TADA3: variants seen among roughly 807,000 people sequenced by gnomAD.
TADA3 encodes transcriptional adapter 3.
Under a neutral mutation model 43.2 loss-of-function variants are expected in TADA3, and 25 were observed. That is an observed-to-expected ratio of 0.58 (90% confidence interval 0.42 to 0.81). The LOEUF (loss-of-function observed/expected upper bound fraction) is 0.81. Among genes scored for constraint, TADA3 ranks in the 30% least tolerant of loss-of-function variants. TADA3 has a pLI of 0.00. For missense variants in TADA3, 441 were observed against 567.8 expected, an observed-to-expected ratio of 0.78 and a Z score of 2.27; for synonymous variants, 235 against 225.5, an observed-to-expected ratio of 1.04 and a Z score of -0.38.
rs895104554 is a variant in TADA3, at chr3:9,785,338, G to A, written c.898C>T (p.Arg300Cys). 1.9e-6 allele frequency: 3 copies of A among 1,613,980 alleles called. No homozygotes were observed. Among genetic ancestry groups the A allele is most frequent in the Non-Finnish European group, 2.5e-6 (3 of 1,179,878 alleles). The part of the protein sequence containing the change: ...SGADGASTSP[R>C]NQNKPFSVPH... The stretch of plus-strand genomic sequence containing the variant: ...CACCTGAAGGGCTTGTTCTGATTGC[G>A]AGGGGAGGTGCTTGCCCCGTCAGCC... The change falls in exon 7 of 9, where the codon CGC becomes TGC. Residue 300 changes from arginine to cysteine, a missense_variant. Arg to Cys is a radical substitution (Grantham distance 180). Transcript: ENST00000301964.
intron 8 of TADA3, among the ~76,000 whole-genome samples, chr3:9,782,094 T>A (rs2078482566): frequency 6.6e-6 from 1 of 152,094 alleles, no homozygotes; most frequent in Admixed American, 6.5e-5. Flanking sequence ...CACCTCAGTC[T>A]CCCAAAGTGC....
chr3:9,780,368 G>A lies in TADA3; in HGVS notation c.1288C>T (p.Leu430=). Reference sequence around the variant, plus strand: ...GGCAGGGGTGAGGGCTACCCATCCAGCAGCTTCAGGATGCTCTCACGCTCC... The same window carrying A: ...GGCAGGGGTGAGGGCTACCCATCCAACAGCTTCAGGATGCTCTCACGCTCC... ...LKERESILKL[L]DG The change falls in exon 9 of 9, where the codon CTG becomes TTG. Residue 430 remains leucine (L), a synonymous_variant. Transcript: ENST00000301964. 6.2e-7 allele frequency: 1 copy of A among 1,612,520 alleles called. No homozygotes were observed. The highest frequency in any genetic ancestry group is 1.3e-5 in the African/African-American group (1 of 74,938).
chr3:9,781,435 C>T, intron 8 of TADA3: 3 of 440,562 alleles, frequency 6.8e-6, no homozygotes, highest in South Asian at 4.7e-5. Flanking sequence ...AAGATGATCC[C>T]AGGATCCCAC....
At chr3:9,781,300 TACACACACACAA>T (rs1261665657) in intron 8 of TADA3, among the ~76,000 whole-genome samples, 3 of 151,602 alleles carry the variant, frequency 2.0e-5, no homozygotes, top group Non-Finnish European at 4.4e-5. Context: ...TATATATACA[TACACACACACAA>T]ACACACACAC....
chr3:9,785,487 G>T, intron 6 of TADA3, 62 bp from the exon 7 acceptor site: 3 of 1,082,746 alleles, frequency 2.8e-6, no homozygotes, highest in Non-Finnish European at 4.2e-6. Context: ...GCTCCTTTCT[G>T]ACCTACACTG....
In TADA3 at chr3:9,785,315, C is replaced by T. The variant is rs748346430; in HGVS notation, c.920+1G>A. 1 of 1,612,350 alleles carries T rather than the reference C, an allele frequency of 6.2e-7. No homozygotes were observed. Among genetic ancestry groups the T allele is most frequent in the South Asian group, 1.1e-5 (1 of 90,912 alleles). On this transcript the variant is annotated splice_donor_variant, in intron 7 of 8. Transcript: ENST00000301964. LOFTEE classifies it high-confidence loss of function. ...TGGGTTGTGGATAGGACACCACTCA[C>T]CTGAAGGGCTTGTTCTGATTGCGAG... is the stretch of plus-strand genomic sequence containing the variant.
intron 8 of TADA3, among the ~76,000 whole-genome samples, chr3:9,781,317 A>G (rs2078457553): frequency 6.6e-6 from 1 of 151,982 alleles, no homozygotes; most frequent in Admixed American, 6.6e-5. Context: ...ACACAAACAC[A>G]CACACACAGG....
Position 9,784,114 on chromosome 3 carries a change from ATCCTCGGAG to A in TADA3, c.1011_1019del (p.Ser338_Asp340del). Reference sequence around the variant, plus strand: ...GTTTGCGAAGCTCAGCAAGGACCTCATCCTCGGAGTCCTCTGCGGGGCGGTCCTCAGACT... The same window carrying A: ...GTTTGCGAAGCTCAGCAAGGACCTCATCCTCTGCGGGGCGGTCCTCAGACT... On this transcript the variant is annotated inframe_deletion, in exon 8 of 9. Transcript: ENST00000301964. 2 of 1,614,166 alleles carry A rather than the reference ATCCTCGGAG, an allele frequency of 1.2e-6. No individual in the cohort carries two copies. The highest frequency in any genetic ancestry group is 1.7e-6 in the Non-Finnish European group (2 of 1,180,022).
intron 2 of TADA3, among the ~76,000 whole-genome samples, chr3:9,790,739 A>AG: frequency 6.6e-6 from 1 of 152,334 alleles, no homozygotes; most frequent in South Asian, 2.1e-4. Flanking sequence ...AAAAGCACTA[A>AG]GGTAGGTCCT....
rs2078757932 is a variant in TADA3 at position 9,792,355 on chromosome 3, T to C, written c.-167A>G. 2 of 387,164 alleles carry C rather than the reference T, an allele frequency of 5.2e-6. No individual in the cohort carries two copies. Among genetic ancestry groups the C allele is most frequent in the Non-Finnish European group, 7.2e-6 (2 of 277,650 alleles). 24.0% of individuals were successfully genotyped at this position (387,164 alleles called of 1,614,324 possible). On this transcript the variant is annotated 5_prime_UTR_variant, in exon 1 of 9. Transcript: ENST00000301964. ...TCCCGCCTTCAGAGTCCTCGTTCTC[T>C]AGGGACACCCTAGTGCGACCCCCGC...
At chr3:9,786,088 G>A (rs1432133438) in intron 6 of TADA3, among the ~76,000 whole-genome samples, 4 of 152,120 alleles carry the variant, frequency 2.6e-5, no homozygotes, top group African/African-American at 9.7e-5. Context: ...ACAGGCGCCT[G>A]CCACTATGCC....
chr3:9,785,429 G>A lies in TADA3; in HGVS notation c.811-4C>T, dbSNP rs1180823878. 1.9e-6 allele frequency: 3 copies of A among 1,602,318 alleles called. No homozygotes were observed. The highest frequency in any genetic ancestry group is 2.6e-6 in the Non-Finnish European group (3 of 1,169,816). On this transcript the variant is annotated splice_region_variant and splice_polypyrimidine_tract_variant and intron_variant, in intron 6 of 8. Transcript: ENST00000301964. Reference sequence around the variant, plus strand: ...CCATAGGGGAAATAATATTTTCCTAGAAGACCACAAAAATGAGTGGAAGGA... The same window carrying A: ...CCATAGGGGAAATAATATTTTCCTAAAAGACCACAAAAATGAGTGGAAGGA...
At chr3:9,787,169 C>T (rs1229879977) in intron 5 of TADA3, 30 bp downstream of exon 5, 3 of 1,614,054 alleles carry the variant, frequency 1.9e-6, no homozygotes, top group African/African-American at 2.7e-5. Flanking sequence ...AAGTCCTGAC[C>T]TGGGGTTGGC....
chr3:9,783,915 A>G (rs2078541200), intron 8 of TADA3, 113 bp downstream of exon 8: 2 of 1,418,440 alleles, frequency 1.4e-6, no homozygotes, highest in Admixed American at 5.5e-5. Context: ...TCTCCAGGTG[A>G]TTTAGAGGCC....
intron 2 of TADA3, 57 bp from the exon 3 acceptor site, chr3:9,790,020 T>C: frequency 6.6e-7 from 1 of 1,519,436 alleles, no homozygotes; most frequent in Non-Finnish European, 8.8e-7. Flanking sequence ...GAATATCTCT[T>C]TCCTCTAGTG....
At chr3:9,780,645 G>T in intron 8 of TADA3, 96 bp from the exon 9 acceptor site, 1 of 1,305,880 alleles carries the variant, frequency 7.7e-7, no homozygotes. Context: ...GCCCAGGCTG[G>T]CATGCCTGTG....
At chr3:9,787,472 G>A (rs2078642714) in intron 4 of TADA3, 132 bp from the exon 5 acceptor site, 2 of 1,315,912 alleles carry the variant, frequency 1.5e-6, no homozygotes, top group East Asian at 2.5e-5. Flanking sequence ...TCAGGTGTAG[G>A]TAAGAAAGTA....
intron 7 of TADA3, among the ~76,000 whole-genome samples, chr3:9,784,474 ATAT>A (rs2078557739): frequency 6.6e-6 from 1 of 152,160 alleles, no homozygotes; most frequent in South Asian, 2.1e-4. Flanking sequence ...ATTTTGTTAT[ATAT>A]TATTATATAT....
intron 2 of TADA3, among the ~76,000 whole-genome samples, 159 bp downstream of exon 2, chr3:9,791,101 T>C (rs996285169): frequency 1.3e-4 from 20 of 152,208 alleles, no homozygotes; most frequent in African/African-American, 4.8e-4. Flanking sequence ...ATGCATATTC[T>C]TGTGTATTTT....
Sources: gnomAD v4.1 joint callset for allele counts (sites outside exome capture counted in the v4.1 genomes callset) on GRCh38, gnomAD v4.1.1 for gene constraint, MANE v1.5 for transcripts, NCBI Gene and HGNC (gene_info 2026-07-23, HGNC 2026-07-21) for gene names.